The following XKR6 variants were observed in gnomAD, a reference collection of about 807,000 sequenced individuals.
XKR6 encodes the protein XK related 6.
Under a neutral mutation model 56.7 loss-of-function variants are expected in XKR6, and 22 were observed. The ratio of observed to expected loss-of-function variants is 0.39; its 90% CI spans 0.28 to 0.55. The LOEUF is 0.55. Ranked by LOEUF, XKR6 falls within the 20% of genes least tolerant of loss-of-function variation. XKR6 has a pLI of 0.66. For synonymous variants in XKR6, 524 were observed against 387.8 expected (o/e 1.35, Z -4.13); for missense variants, 852 against 889.0 (o/e 0.96, Z 0.53).
intron 1 of XKR6, among the ~76,000 whole-genome samples, chr8:11,048,244 A>T (rs920275568): frequency 3.9e-5 from 6 of 152,112 alleles, no homozygotes; most frequent in African/African-American, 1.4e-4. Flanking sequence ...CACCATCAGC[A>T]AGGGGAATCC....
At chr8:11,092,483 A>G (rs1586533799) in intron 1 of XKR6, among the ~76,000 whole-genome samples, 1 of 152,146 alleles carries the variant, frequency 6.6e-6, no homozygotes, top group African/African-American at 2.4e-5. Context: ...GTAGGTGAGG[A>G]CCCTGGCTGG....
At chr8:11,083,821 G>C (rs147417458) in intron 1 of XKR6, among the ~76,000 whole-genome samples, 78 of 152,172 alleles carry the variant, frequency 5.1e-4, no homozygotes, top group African/African-American at 1.7e-3. Flanking sequence ...TTAAGAAAGA[G>C]AACATGGAAC....
intron 2 of XKR6, among the ~76,000 whole-genome samples, chr8:10,908,138 G>A (rs988848206): frequency 6.6e-6 from 1 of 152,218 alleles, no homozygotes; most frequent in Non-Finnish European, 1.5e-5. Context: ...GAGCAGAAGG[G>A]ATGTGTGGCC....
chr8:11,079,004 G>A (rs1322201808), intron 1 of XKR6, among the ~76,000 whole-genome samples: 1 of 152,228 alleles, frequency 6.6e-6, no homozygotes, highest in East Asian at 1.9e-4. Flanking sequence ...GGAAGAAGGA[G>A]CAAGACTAGA....
intron 1 of XKR6, among the ~76,000 whole-genome samples, chr8:11,031,090 G>A (rs778976733): frequency 6.6e-5 from 10 of 152,140 alleles, no homozygotes; most frequent in Non-Finnish European, 1.2e-4. Flanking sequence ...GGGAACCATG[G>A]TGGTCTTGTT....
chr8:11,019,375 C>T (rs953340230), intron 1 of XKR6, among the ~76,000 whole-genome samples: 3 of 152,240 alleles, frequency 2.0e-5, no homozygotes, highest in African/African-American at 2.4e-5. Context: ...GACACAAGAA[C>T]AGGGGAGCTG....
At position 10,898,240 on chromosome 8, in the gene XKR6, G is replaced by A. The variant is rs549267712; in HGVS notation, c.1638C>T (p.Ala546=). The change falls in exon 3 of 3, where the codon GCC becomes GCT. Residue 546 remains alanine, a synonymous_variant. Coordinates refer to ENST00000416569, the MANE Select transcript of XKR6 (RefSeq NM_173683.4). The surrounding 1 kb of genome is among the most constrained non-coding windows in gnomAD (Gnocchi z 6.6). ...TGAGATCCTCCTGTTGTTCCGTTAC[G>A]GCTCTGGTGGGCGTAACCTGGGTCC... ...YRGTQVTPTR[A]VTEQQEDLTA... 22 of 1,614,112 alleles carry A rather than the reference G, an allele frequency of 1.4e-5. No homozygotes were observed. Among genetic ancestry groups the A allele is most frequent in the South Asian group, 6.6e-5 (6 of 91,070 alleles).
intron 1 of XKR6, chr8:11,109,268 T>C (rs1387909272): frequency 2.0e-5 from 3 of 152,236 alleles, no homozygotes; most frequent in South Asian, 2.1e-4. Context: ...CATGCCATCA[T>C]CTCCACTACG....
chr8:11,178,547 A>ATATATATATATATATATATAT (rs1802779230), intron 1 of XKR6, among the ~76,000 whole-genome samples: 1 of 88,508 alleles, frequency 1.1e-5, no homozygotes, highest in African/African-American at 5.8e-5. Context: ...GAGAGGTAAA[A>ATATATATATATATATATATAT]ATATATATAT....
At position 11,110,628 on chromosome 8, in the gene XKR6, G is replaced by C. The variant is rs1443130110; in HGVS notation, c.764+89948C>G. ...CTTTCCCTGTTTTGGTCAATTACTT[G>C]ACCATCATATGTATCTGCCCCAGAA... On this transcript the variant is annotated intron_variant, in intron 1 of 2. Transcript: ENST00000416569. Among the ~76,000 whole-genome samples, 5 of 152,134 alleles carry C rather than the reference G, an allele frequency of 3.3e-5. 1 individual carries two copies. The highest frequency in any genetic ancestry group is 2.1e-4 in the South Asian group (1 of 4,820).
chr8:11,034,568 G>A lies in XKR6; in HGVS notation c.765-109738C>T, dbSNP rs184327949. ...ACAGAGAGCCATGGCAGGCTTTCCA[G>A]GAAGGGAGTGACATGCACCTTAGAC... is the stretch of plus-strand genomic sequence containing the variant. On this transcript the variant is annotated intron_variant, in intron 1 of 2. Coordinates refer to ENST00000416569, the MANE Select transcript of XKR6 (RefSeq NM_173683.4). 5.9e-5 allele frequency among the ~76,000 whole-genome samples: 9 copies of A among 152,328 alleles called. No individual in the cohort carries two copies. In the East Asian group the frequency reaches 1.5e-3, roughly 26 times the overall value.
At chr8:11,156,114 C>A (rs1440862947) in intron 1 of XKR6, among the ~76,000 whole-genome samples, 1 of 152,232 alleles carries the variant, frequency 6.6e-6, no homozygotes, top group Non-Finnish European at 1.5e-5. Context: ...TCTTTCCACT[C>A]TATGCCTTCT....
intron 1 of XKR6, among the ~76,000 whole-genome samples, chr8:10,939,113 C>T (rs976965288): frequency 6.6e-6 from 1 of 152,102 alleles, no homozygotes; most frequent in African/African-American, 2.4e-5. Flanking sequence ...GGAATGAGCT[C>T]ACAAACCCTG....
rs1366742898 is a variant in XKR6, at chr8:10,897,015, A to G, written c.*937T>C. The G allele has an allele frequency of 6.6e-6, 1 of 152,630 alleles. No individual in the cohort carries two copies. The highest frequency in any genetic ancestry group is 1.5e-5 in the Non-Finnish European group (1 of 68,054). 9.5% of individuals were successfully genotyped at this position (152,630 alleles called of 1,614,324 possible). On this transcript the variant is annotated 3_prime_UTR_variant, in exon 3 of 3. Coordinates refer to ENST00000416569, the MANE Select transcript of XKR6 (RefSeq NM_173683.4). ...ATTATTACTGACTATGTGTACAGAA[A>G]TCTCCTTTAATTTGCTTTAGAATAT...
rs73662650 is a variant in XKR6, at chr8:10,941,421, G to A, written c.765-16591C>T. 4.7e-3 allele frequency among the ~76,000 whole-genome samples: 716 copies of A among 152,336 alleles called. 10 individuals are homozygous for A. The highest frequency in any genetic ancestry group is 0.016 in the African/African-American group (674 of 41,584). ...GCCCTGTGGAGATGGAGAAACTGAGGCAAAGGAACTGGCTGATGGCATCCA... is the reference window on the plus strand; with the variant it reads ...GCCCTGTGGAGATGGAGAAACTGAGACAAAGGAACTGGCTGATGGCATCCA... On this transcript the variant is annotated intron_variant, in intron 1 of 2. Coordinates refer to ENST00000416569, the MANE Select transcript of XKR6 (RefSeq NM_173683.4).
At chr8:11,190,597 A>G (rs904366467) in intron 1 of XKR6, among the ~76,000 whole-genome samples, 1 of 152,182 alleles carries the variant, frequency 6.6e-6, no homozygotes, top group African/African-American at 2.4e-5. Flanking sequence ...TTACAAGCCT[A>G]CCCTAAGCTC....
At chr8:11,187,766 A>G (rs1328525235) in intron 1 of XKR6, among the ~76,000 whole-genome samples, 1 of 152,160 alleles carries the variant, frequency 6.6e-6, no homozygotes, top group Non-Finnish European at 1.5e-5. Context: ...GGGCACATGA[A>G]GGCTACACTC....
At chr8:11,043,487 C>T (rs907688895) in intron 1 of XKR6, among the ~76,000 whole-genome samples, 2 of 152,226 alleles carry the variant, frequency 1.3e-5, no homozygotes, top group African/African-American at 4.8e-5. Flanking sequence ...TCACGTTTGA[C>T]CTTGAGGAGT....
intron 1 of XKR6, among the ~76,000 whole-genome samples, chr8:10,979,524 A>G (rs1331115953): frequency 2.0e-5 from 3 of 152,060 alleles, no homozygotes; most frequent in Admixed American, 2.0e-4. Context: ...GGTCCTTTAG[A>G]AAGACCCCCG....
Sources: allele counts gnomAD v4.1 joint callset (sites outside exome capture counted in the v4.1 genomes callset), GRCh38; gene constraint gnomAD v4.1.1; non-coding constraint Gnocchi (gnomAD v3.1); transcripts MANE v1.5; gene names NCBI Gene and HGNC (gene_info 2026-07-23, HGNC 2026-07-21).